COLGALT2: variants seen among roughly 807,000 people sequenced by gnomAD.
The protein encoded by COLGALT2 is collagen beta(1-O)galactosyltransferase 2.
Under a neutral mutation model 73.4 loss-of-function variants are expected in COLGALT2, and 49 were observed. That is an observed-to-expected ratio of 0.67 (90% CI 0.53 to 0.85). The LOEUF (loss-of-function observed/expected upper bound fraction) is 0.85, where lower values mean the gene tolerates loss of function less well. COLGALT2 is among the 40% of genes least tolerant of loss of function. COLGALT2 has a pLI of 0.00. For synonymous variants in COLGALT2, 295 were observed against 307.6 expected (o/e 0.96, Z 0.43); for missense variants, 722 against 790.2 (o/e 0.91, Z 1.03).
At chr1:183,972,760 C>T (rs906451239) in intron 4 of COLGALT2, among the ~76,000 whole-genome samples, 2 of 151,126 alleles carry the variant, frequency 1.3e-5, no homozygotes, top group Non-Finnish European at 2.9e-5. Flanking sequence ...AGCGCAGTGG[C>T]GCGACCTCGG....
At chr1:183,954,916 C>T (rs1420298357) in intron 6 of COLGALT2, 78 bp from the exon 7 acceptor site, 8 of 1,116,102 alleles carry the variant, frequency 7.2e-6, no homozygotes, top group African/African-American at 3.1e-5. Context: ...CATGCCTGAT[C>T]TCTAGGGTTG....
chr1:183,931,240 G>T (rs1288449147), downstream of COLGALT2, among the ~76,000 whole-genome samples: 1 of 152,100 alleles, frequency 6.6e-6, no homozygotes, highest in Non-Finnish European at 1.5e-5. Flanking sequence ...CAGCCTCACG[G>T]AACTGGAGAG....
At chr1:183,979,432 C>A (rs2102820700) in intron 1 of COLGALT2, among the ~76,000 whole-genome samples, 1 of 152,082 alleles carries the variant, frequency 6.6e-6, no homozygotes, top group East Asian at 1.9e-4. Flanking sequence ...GGAGGCCATT[C>A]ACATCAAAAT....
intron 1 of COLGALT2, among the ~76,000 whole-genome samples, chr1:184,014,016 G>A (rs1362346591): frequency 6.6e-6 from 1 of 152,118 alleles, no homozygotes; most frequent in Non-Finnish European, 1.5e-5. Context: ...AGATCAGTCT[G>A]AGATATAAGT....
intron 1 of COLGALT2, among the ~76,000 whole-genome samples, chr1:184,015,984 T>C (rs1166916744): frequency 6.6e-6 from 1 of 152,242 alleles, no homozygotes; most frequent in East Asian, 1.9e-4. Flanking sequence ...TCAAAGGTGA[T>C]GTTATAAAAA....
At chr1:183,956,217 A>C (rs1572636652) in intron 6 of COLGALT2, among the ~76,000 whole-genome samples, 1 of 152,224 alleles carries the variant, frequency 6.6e-6, no homozygotes, top group East Asian at 1.9e-4. Flanking sequence ...CTTCACTGAA[A>C]TATTATAGAG....
At chr1:183,948,643 T>C (rs1196302178) in intron 8 of COLGALT2, among the ~76,000 whole-genome samples, 3 of 152,188 alleles carry the variant, frequency 2.0e-5, no homozygotes, top group Non-Finnish European at 4.4e-5. Flanking sequence ...CTGAATGCTT[T>C]CCCTCTAAGA....
At chr1:184,011,277 G>C (rs1310466358) in intron 1 of COLGALT2, among the ~76,000 whole-genome samples, 1 of 152,178 alleles carries the variant, frequency 6.6e-6, no homozygotes, top group Non-Finnish European at 1.5e-5. Context: ...TTTGCTTTGG[G>C]AGCCGATTTA....
chr1:183,969,552 C>T (rs2102812735), intron 4 of COLGALT2, 79 bp from the exon 5 acceptor site: 2 of 1,285,268 alleles, frequency 1.6e-6, no homozygotes, highest in Non-Finnish European at 1.1e-6. Context: ...AGACTGATTC[C>T]TTTCAAGTCA....
chr1:184,027,726 T>C (rs1649372758), intron 1 of COLGALT2, among the ~76,000 whole-genome samples: 1 of 152,256 alleles, frequency 6.6e-6, no homozygotes, highest in Non-Finnish European at 1.5e-5. Flanking sequence ...TCCATTGTTT[T>C]AGAAATCCAT....
downstream of COLGALT2, among the ~76,000 whole-genome samples, chr1:183,931,238 C>T (rs570355525): frequency 2.0e-5 from 3 of 152,256 alleles, no homozygotes; most frequent in Non-Finnish European, 2.9e-5. Context: ...CACAGCCTCA[C>T]GGAACTGGAG....
intron 8 of COLGALT2, among the ~76,000 whole-genome samples, chr1:183,948,965 G>A (rs767717778): frequency 6.6e-6 from 1 of 152,072 alleles, no homozygotes; most frequent in Non-Finnish European, 1.5e-5. Context: ...ATAGAACTAA[G>A]GAAATAGTTC....
intron 5 of COLGALT2, among the ~76,000 whole-genome samples, chr1:183,965,482 G>A (rs1670841788): frequency 1.3e-5 from 2 of 152,244 alleles, no homozygotes; most frequent in African/African-American, 2.4e-5. Context: ...AGGAAAGGAA[G>A]GAAGAGGAGG....
chr1:183,989,341 C>A (rs1188202234), intron 1 of COLGALT2, among the ~76,000 whole-genome samples: 2 of 152,170 alleles, frequency 1.3e-5, no homozygotes, highest in Non-Finnish European at 2.9e-5. Context: ...TGGTGCCTGG[C>A]AGGGCAATGC....
intron 6 of COLGALT2, among the ~76,000 whole-genome samples, chr1:183,963,403 T>C (rs1670771499): frequency 6.6e-6 from 1 of 152,222 alleles, no homozygotes; most frequent in East Asian, 1.9e-4. Flanking sequence ...AAAAAGTGCT[T>C]AGCATTTTAT....
At chr1:183,952,249 G>C (rs1470194217) in intron 7 of COLGALT2, among the ~76,000 whole-genome samples, 2 of 152,194 alleles carry the variant, frequency 1.3e-5, no homozygotes. Flanking sequence ...TTAACTGCCA[G>C]TGAGAAATGA....
At chr1:184,025,936 A>T (rs1042062068) in intron 1 of COLGALT2, among the ~76,000 whole-genome samples, 6 of 152,208 alleles carry the variant, frequency 3.9e-5, no homozygotes, top group Non-Finnish European at 7.3e-5. Context: ...AGAACATCTC[A>T]TCTAGAGATT....
intron 8 of COLGALT2, among the ~76,000 whole-genome samples, chr1:183,949,201 C>T (rs1335950648): frequency 6.6e-6 from 1 of 152,170 alleles, no homozygotes; most frequent in East Asian, 1.9e-4. Flanking sequence ...AAAATCCCAG[C>T]TGCCGTTTTC....
intron 7 of COLGALT2, 56 bp from the exon 8 acceptor site, chr1:183,951,169 G>T: frequency 7.7e-7 from 1 of 1,298,842 alleles, no homozygotes; most frequent in Non-Finnish European, 1.1e-6. Context: ...CTTCTTTTAG[G>T]CTGTTTGAAA....
Sources: allele counts gnomAD v4.1 joint callset (sites outside exome capture counted in the v4.1 genomes callset), GRCh38; gene constraint gnomAD v4.1.1; transcripts MANE v1.5; gene names NCBI Gene and HGNC (gene_info 2026-07-23, HGNC 2026-07-21).